Variants in FREM2 observed in about 807,000 individuals in gnomAD.
FREM2 encodes the protein FRAS1 related extracellular matrix 2.
In FREM2, 119 loss-of-function variants were observed where a neutral mutation model predicts 219.9. The ratio of observed to expected loss-of-function variants is 0.54; its 90% CI spans 0.47 to 0.63. The LOEUF (loss-of-function observed/expected upper bound fraction) is 0.63. Ranked by LOEUF, FREM2 falls within the 30% of genes least tolerant of loss-of-function variation. The pLI is 0.00. For missense variants in FREM2, 4,030 were observed against 3,993.6 expected, an observed-to-expected ratio of 1.01 and a Z score of -0.25; for synonymous variants, 1,562 against 1,522.8, an observed-to-expected ratio of 1.03 and a Z score of -0.60.
chr13:38,804,592 ATTTAT>A (rs1238374259), intron 6 of FREM2, among the ~76,000 whole-genome samples: 1 of 152,170 alleles, frequency 6.6e-6, no homozygotes, highest in Non-Finnish European at 1.5e-5. Context: ...AACAAGAATA[ATTTAT>A]TTTAGTAAGA....
chr13:38,852,887 G>A (rs1315184834), intron 11 of FREM2, among the ~76,000 whole-genome samples: 3 of 151,594 alleles, frequency 2.0e-5, no homozygotes, highest in Non-Finnish European at 4.4e-5. Context: ...TGTATTTTTG[G>A]TAGAGATGGG....
At chr13:38,876,436 C>T in intron 20 of FREM2, 54 bp downstream of exon 20, 2 of 1,392,096 alleles carry the variant, frequency 1.4e-6, no homozygotes. Context: ...CTTTGTTTTT[C>T]ATTTATTAGT....
intron 21 of FREM2, among the ~76,000 whole-genome samples, chr13:38,877,680 A>G (rs1878389264): frequency 6.6e-6 from 1 of 152,204 alleles, no homozygotes; most frequent in Admixed American, 6.5e-5. Context: ...TTATGAAATA[A>G]AGAATTGAAC....
chr13:38,772,701 CTTT>C (rs58721583), intron 4 of FREM2, among the ~76,000 whole-genome samples: 5 of 146,240 alleles, frequency 3.4e-5, no homozygotes, highest in East Asian at 2.0e-4. Context: ...TTCTCTCTCT[CTTT>C]TTTTTTTTTT....
chr13:38,754,901 G>GATGATGATTATT (rs56270131), intron 2 of FREM2, among the ~76,000 whole-genome samples: 40 of 128,664 alleles, frequency 3.1e-4, no homozygotes, highest in South Asian at 8.6e-4. Flanking sequence ...TGATGATGAT[G>GATGATGATTATT]ATTATTATTA....
intron 2 of FREM2, among the ~76,000 whole-genome samples, chr13:38,731,818 C>A (rs945597361): frequency 6.6e-6 from 1 of 152,264 alleles, no homozygotes; most frequent in Admixed American, 6.5e-5. Context: ...TAAATGGCCT[C>A]GGTCAAGCTG....
rs1292877868 is a variant in FREM2, at chr13:38,751,894, G to GTT, written c.5264-12409_5264-12408insTT. The stretch of plus-strand genomic sequence containing the variant: ...TGTGTGTGTGTGTGTGTGTGTGTGT[G>GTT]TGTTTTCCTTTTGGCAGCCAAATAT... On this transcript the variant is annotated intron_variant, in intron 2 of 23. Coordinates refer to ENST00000280481, the MANE Select transcript of FREM2 (RefSeq NM_207361.6). 2.3e-4 allele frequency among the ~76,000 whole-genome samples: 19 copies of GTT among 84,348 alleles called. No homozygotes were observed. In the South Asian group the frequency reaches 4.5e-3, roughly 20 times the overall value. The allele number at this position is 84,348 out of a possible 152,430, so 55.3% of individuals were successfully genotyped here.
Position 38,886,080 on chromosome 13 carries a change from A to T in FREM2, c.*5293A>T, listed in dbSNP as rs1007795506. 6.6e-6 allele frequency: 1 copy of T among 152,170 alleles called. No individual in the cohort carries two copies. Among genetic ancestry groups the T allele is most frequent in the African/African-American group, 2.4e-5 (1 of 41,436 alleles). The allele number at this position is 152,170 out of a possible 1,614,324, so 9.4% of individuals were successfully genotyped here. A position where few individuals can be genotyped will look rare whatever the true frequency, so the allele number is the denominator to read the frequency against. ...CTTTATTTTCCCCAATGTTTGGATCATCCTCTCAGATAAGAATTGTCAGTA... is the reference window on the plus strand; with the variant it reads ...CTTTATTTTCCCCAATGTTTGGATCTTCCTCTCAGATAAGAATTGTCAGTA... On this transcript the variant is annotated 3_prime_UTR_variant, in exon 24 of 24. Transcript: ENST00000280481.
intron 2 of FREM2, among the ~76,000 whole-genome samples, chr13:38,710,010 C>G (rs1384190429): frequency 1.3e-5 from 2 of 150,714 alleles, no homozygotes. Flanking sequence ...CACACACACA[C>G]ACACACACAC....
rs370714192 is a variant in FREM2 at position 38,880,350 on chromosome 13, C to T, written c.9073C>T (p.Arg3025Ter). 3.7e-6 allele frequency: 6 copies of T among 1,613,508 alleles called. No homozygotes were observed. The highest frequency in any genetic ancestry group is 2.2e-5 in the East Asian group (1 of 44,852). ...YTVRSKDNAN[R>*]GIGKRSVEYH... ...AGTGAGATCGAAAGACAATGCCAAT[C>T]GAGGTATTGGCAAAAGAAGTGTGGA... The change falls in exon 24 of 24, where the codon CGA becomes TGA. Residue 3025 changes from arginine (R) to a stop codon, truncating the protein, a stop_gained. Transcript: ENST00000280481. LOFTEE classifies it low-confidence loss of function (END_TRUNC).
Position 38,840,323 on chromosome 13 carries a change from CT to C in FREM2, c.6020-6249del, listed in dbSNP as rs1237511216. On this transcript the variant is annotated intron_variant, in intron 6 of 23. Coordinates refer to ENST00000280481, the MANE Select transcript of FREM2 (RefSeq NM_207361.6). ...AGTCCTAATAAGATGAACTGGGTATCTCAGTTGGAAATGCAGAAATCGCCTG... is the reference window on the plus strand; with the variant it reads ...AGTCCTAATAAGATGAACTGGGTATCCAGTTGGAAATGCAGAAATCGCCTG... Among the ~76,000 whole-genome samples, 4 of 151,758 alleles carry C rather than the reference CT, an allele frequency of 2.6e-5. No homozygotes were observed. The East Asian group carries it at 7.8e-4, about 30-fold the overall frequency.
At chr13:38,822,635 A>C (rs144756385) in intron 6 of FREM2, among the ~76,000 whole-genome samples, 3 of 152,006 alleles carry the variant, frequency 2.0e-5, no homozygotes, top group African/African-American at 4.8e-5. Flanking sequence ...TTTCCAGGGG[A>C]TCGCTATCCT....
chr13:38,850,306 G>C (rs1877325090), intron 9 of FREM2, 71 bp downstream of exon 9: 4 of 1,231,280 alleles, frequency 3.2e-6, no homozygotes, highest in Non-Finnish European at 4.8e-6. Context: ...TATATATCAG[G>C]GAAATACAAG....
At chr13:38,874,217 TA>T (rs959078522) in intron 17 of FREM2, among the ~76,000 whole-genome samples, 2 of 152,180 alleles carry the variant, frequency 1.3e-5, no homozygotes, top group African/African-American at 2.4e-5. Context: ...ACTCAGATTT[TA>T]AAAAAACTTG....
chr13:38,877,105 C>G lies in FREM2; in HGVS notation c.8545-12C>G. On this transcript the variant is annotated splice_polypyrimidine_tract_variant and intron_variant, in intron 20 of 23. Transcript: ENST00000280481. ...CACTGATGCATAAAAGAACTTTTAC[C>G]TTTGGTTTTAGGTCAGTGATCCAGT... 1 of 1,613,928 alleles carries G rather than the reference C, an allele frequency of 6.2e-7. No individual in the cohort carries two copies. The highest frequency in any genetic ancestry group is 2.2e-5 in the East Asian group (1 of 44,866).
intron 4 of FREM2, among the ~76,000 whole-genome samples, chr13:38,774,416 A>T (rs552616320): frequency 3.9e-5 from 6 of 152,186 alleles, no homozygotes; most frequent in South Asian, 4.1e-4. Flanking sequence ...TTAATCATAT[A>T]ATTAGGTGAT....
chr13:38,878,366 G>A, intron 22 of FREM2, 45 bp downstream of exon 22: 6 of 1,421,202 alleles, frequency 4.2e-6, no homozygotes, highest in Non-Finnish European at 5.8e-6. Context: ...ATTTTTCAAA[G>A]TTCAGCCTCC....
intron 23 of FREM2, among the ~76,000 whole-genome samples, chr13:38,879,807 C>G (rs1468987697): frequency 1.3e-5 from 2 of 152,090 alleles, no homozygotes; most frequent in East Asian, 3.8e-4. Flanking sequence ...CATCCTTTTC[C>G]AAAGCCCCAG....
chr13:38,813,495 TCTCTCTCTCTCTCTCTCTCTCTC>T (rs1465128255), intron 6 of FREM2, among the ~76,000 whole-genome samples: 3 of 16,044 alleles, frequency 1.9e-4, no homozygotes, highest in Non-Finnish European at 3.5e-4. Flanking sequence ...TCTCTCTCTC[TCTCTCTCTCTCTCTCTCTCTCTC>T]CTCTCTCTCT....
Sources: gnomAD v4.1 joint callset for allele counts (sites outside exome capture counted in the v4.1 genomes callset) on GRCh38, gnomAD v4.1.1 for gene constraint, MANE v1.5 for transcripts, NCBI Gene and HGNC (gene_info 2026-07-23, HGNC 2026-07-21) for gene names.